Variants in CAND2 observed in about 807,000 individuals in gnomAD.
The protein encoded by CAND2 is cullin associated and neddylation dissociated 2 (putative).
In CAND2, 62 loss-of-function variants were observed where a neutral mutation model predicts 98.9. The observed-to-expected ratio is 0.63, with a 90% CI of 0.51 to 0.77. The LOEUF (loss-of-function observed/expected upper bound fraction) is 0.77. Ranked by LOEUF, CAND2 falls within the 30% of genes least tolerant of loss-of-function variation. CAND2 has a pLI of 0.00. For missense variants in CAND2, 1,501 were observed against 1,655.2 expected (o/e 0.91, Z 1.62); for synonymous variants, 770 against 731.9 (o/e 1.05, Z -0.84).
Position 12,831,554 on chromosome 3 carries a change from G to T in CAND2, c.3465G>T (p.Arg1155Ser). ...TGGACCGACTCATTGAGCCACTAAG[G>T]GCCACCTGCACTGCCAAGGTAAGTC... The part of the protein sequence containing the change: ...QRVDRLIEPL[R>S]ATCTAKVKAG... The change falls in exon 14 of 15, where the codon AGG becomes AGT. Residue 1155 changes from arginine (R) to serine (S), a missense_variant. Physicochemically the swap from Arg to Ser is moderately radical, Grantham distance 110 (BLOSUM62 -1). Coordinates refer to ENST00000456430, the MANE Select transcript of CAND2 (RefSeq NM_001162499.2). 6.2e-7 allele frequency: 1 copy of T among 1,612,962 alleles called. No individual in the cohort carries two copies. The highest frequency in any genetic ancestry group is 8.5e-7 in the Non-Finnish European group (1 of 1,179,386).
At chr3:12,805,088 A>G (rs1194603727) in intron 2 of CAND2, among the ~76,000 whole-genome samples, 1 of 152,200 alleles carries the variant, frequency 6.6e-6, no homozygotes, top group Non-Finnish European at 1.5e-5. Context: ...AAGGCAAACT[A>G]GAAGGAATGT....
chr3:12,830,757 C>T (rs2062046370), intron 13 of CAND2, among the ~76,000 whole-genome samples: 1 of 152,212 alleles, frequency 6.6e-6, no homozygotes, highest in Admixed American at 6.5e-5. Context: ...AGTTCTAGGG[C>T]ACAGGGTCAT....
intron 12 of CAND2, 138 bp from the exon 13 acceptor site, chr3:12,827,302 G>C (rs1380279443): frequency 5.8e-6 from 4 of 686,134 alleles, no homozygotes; most frequent in Non-Finnish European, 9.9e-6. Flanking sequence ...CTGAGCAAAG[G>C]CATGGAGACT....
intron 2 of CAND2, among the ~76,000 whole-genome samples, chr3:12,804,766 T>A (rs974890506): frequency 6.6e-6 from 1 of 152,164 alleles, no homozygotes; most frequent in Non-Finnish European, 1.5e-5. Context: ...GGTGAGAGAA[T>A]TGGGCACTGT....
At chr3:12,826,967 A>T (rs1255115718) in intron 12 of CAND2, among the ~76,000 whole-genome samples, 1 of 151,854 alleles carries the variant, frequency 6.6e-6, no homozygotes, top group Non-Finnish European at 1.5e-5. Flanking sequence ...AGTAGCTGGG[A>T]CTACAGGCAC....
chr3:12,812,674 G>T lies in CAND2; in HGVS notation c.758-316G>T, dbSNP rs59336456. On this transcript the variant is annotated intron_variant, in intron 5 of 14. Coordinates refer to ENST00000456430, the MANE Select transcript of CAND2 (RefSeq NM_001162499.2). ...CCGCCTCGGCCTCCCATAGTGCTGG[G>T]ATTACAGGCGCGCCTGGCCTAAGCT... Among the ~76,000 whole-genome samples the T allele has an allele frequency of 1.9e-3, 287 of 151,992 alleles. 1 individual carries two copies. Among genetic ancestry groups the T allele is most frequent in the African/African-American group, 6.5e-3 (268 of 41,252 alleles).
At position 12,803,482 on chromosome 3, in the gene CAND2, G is replaced by T. The variant is rs373815412; in HGVS notation, c.69-6G>T. On this transcript the variant is annotated splice_polypyrimidine_tract_variant and splice_region_variant and intron_variant, in intron 1 of 14. Coordinates refer to ENST00000456430, the MANE Select transcript of CAND2 (RefSeq NM_001162499.2). Reference sequence around the variant, plus strand: ...CTCAGCAATCTCCTCCACCCTCCCTGTGCAGGTTCATGGCCACCAGCGACC... The same window carrying T: ...CTCAGCAATCTCCTCCACCCTCCCTTTGCAGGTTCATGGCCACCAGCGACC... The T allele has an allele frequency of 1.5e-4, 239 of 1,601,906 alleles. No homozygotes were observed. The African/African-American group carries it at 2.8e-3, about 19-fold the overall frequency.
chr3:12,812,936 G>C (rs926701479), intron 5 of CAND2, 54 bp from the exon 6 acceptor site: 9 of 1,136,346 alleles, frequency 7.9e-6, no homozygotes, highest in African/African-American at 3.1e-5. Flanking sequence ...TGTGGGCTGG[G>C]GGAACTCCGG....
Position 12,813,311 on chromosome 3 carries a change from A to G in CAND2, c.929A>G (p.His310Arg). 2 of 1,614,118 alleles carry G rather than the reference A, an allele frequency of 1.2e-6. No homozygotes were observed. Among genetic ancestry groups the G allele is most frequent in the South Asian group, 1.1e-5 (1 of 91,078 alleles). Residue 310 changes from histidine (H) to arginine (R), a missense_variant, in exon 7 of 15, where the codon CAC becomes CGC. Physicochemically the swap from His to Arg is conservative, Grantham distance 29. This residue lies in a region of CAND2 where 1,427 missense variants were observed against 1,545.3 expected (regional missense o/e 0.92). Coordinates refer to ENST00000456430, the MANE Select transcript of CAND2 (RefSeq NM_001162499.2). ...AGCCTCTGCCTCCAATACATAAAAC[A>G]CGACCCCAACTACAACTACGACAGT... ...VTSLCLQYIK[H>R]DPNYNYDSDE...
In CAND2 at chr3:12,820,124, A is replaced by G. The variant is rs199654449; in HGVS notation, c.2983A>G (p.Lys995Glu). 7.4e-5 allele frequency: 119 copies of G among 1,614,078 alleles called. No homozygotes were observed. The East Asian group carries it at 8.5e-4, about 11-fold the overall frequency. The change falls in exon 11 of 15, where the codon AAG becomes GAG. Residue 995 changes from lysine to glutamate, a missense_variant. Around this residue, in one of 3 missense-constraint regions of CAND2, gnomAD observed 1,427 missense variants for 1,545.3 expected, o/e 0.92. Coordinates refer to ENST00000456430, the MANE Select transcript of CAND2 (RefSeq NM_001162499.2). ...HTRSTVITAV[K>E]FLISDQPHPI... ...CCGGAGCACCGTCATCACAGCGGTC[A>G]AGTTCCTTATCTCGGACCAGCCCCA...
At chr3:12,798,230 C>A (rs188408932) in intron 1 of CAND2, among the ~76,000 whole-genome samples, 1 of 152,258 alleles carries the variant, frequency 6.6e-6, no homozygotes, top group African/African-American at 2.4e-5. Context: ...CACGCCCTGT[C>A]CCCTCTCTAG....
chr3:12,806,112 A>G (rs956860163), intron 2 of CAND2, among the ~76,000 whole-genome samples: 1 of 152,206 alleles, frequency 6.6e-6, no homozygotes, highest in Non-Finnish European at 1.5e-5. Context: ...CAAGAGGATC[A>G]CTTGAGGCCA....
chr3:12,827,295 A>G (rs976729052), intron 12 of CAND2, 145 bp from the exon 13 acceptor site: 23 of 652,748 alleles, frequency 3.5e-5, no homozygotes, highest in Non-Finnish European at 5.3e-5. Flanking sequence ...CTGCAGGCTG[A>G]GCAAAGGCAT....
chr3:12,814,407 C>A (rs967003257), intron 7 of CAND2, among the ~76,000 whole-genome samples: 1 of 152,206 alleles, frequency 6.6e-6, no homozygotes, highest in African/African-American at 2.4e-5. Context: ...CTCACCCGCT[C>A]TGAGTCTTAG....
At chr3:12,825,359 C>T (rs2061990504) in intron 11 of CAND2, 111 bp from the exon 12 acceptor site, 2 of 1,060,316 alleles carry the variant, frequency 1.9e-6, no homozygotes, top group Non-Finnish European at 2.7e-6. Context: ...CCAGCTTACC[C>T]CCATTCAGCC....
chr3:12,825,728 C>A, intron 12 of CAND2, 89 bp downstream of exon 12: 1 of 1,385,042 alleles, frequency 7.2e-7, no homozygotes, highest in Non-Finnish European at 9.9e-7. Flanking sequence ...CTCATCAGAG[C>A]AGGTGCCGGG....
In CAND2 at chr3:12,831,634, G is replaced by A. The variant is rs529978728; in HGVS notation, c.3483+62G>A. On this transcript the variant is annotated intron_variant, in intron 14 of 14. Transcript: ENST00000456430. ...GCACCTATGGAGTCCTCGGCCAGTC[G>A]TTCAGTTACCCTTACTGAGCACTTC... 2.3e-5 allele frequency: 20 copies of A among 872,230 alleles called. 1 individual carries two copies. The South Asian group carries it at 3.6e-4, about 16-fold the overall frequency. 54.0% of individuals were successfully genotyped at this position (872,230 alleles called of 1,614,324 possible).
chr3:12,823,739 AAC>A (rs1417544373), intron 11 of CAND2, among the ~76,000 whole-genome samples: 2 of 136,954 alleles, frequency 1.5e-5, no homozygotes, highest in South Asian at 2.3e-4. Context: ...CAAAAAAAAA[AAC>A]AACAAAAAAA....
intron 3 of CAND2, 79 bp from the exon 4 acceptor site, chr3:12,808,131 G>C (rs1307351270): frequency 6.6e-7 from 1 of 1,518,782 alleles, no homozygotes; most frequent in Non-Finnish European, 8.9e-7. Context: ...AACACAGCCA[G>C]AGCAGAGGCA....
Sources: gnomAD v4.1 joint callset for allele counts (sites outside exome capture counted in the v4.1 genomes callset) on GRCh38, gnomAD v4.1.1 for gene constraint, gnomAD v4.1.1 regional missense constraint, MANE v1.5 for transcripts, NCBI Gene and HGNC (gene_info 2026-07-23, HGNC 2026-07-21) for gene names.